The following NADSYN1 variants were observed in gnomAD, a reference collection of about 807,000 sequenced individuals.
NADSYN1 encodes the protein NAD synthetase 1, also known as glutamine-dependent NAD(+) synthetase.
Under a neutral mutation model 99.3 loss-of-function variants are expected in NADSYN1, and 80 were observed. The observed-to-expected ratio is 0.81, with a 90% CI of 0.67 to 0.97. The LOEUF is 0.97. Among genes scored for constraint, NADSYN1 ranks in the 50% least tolerant of loss-of-function variants. The pLI, the probability that NADSYN1 is intolerant of heterozygous loss-of-function variation, is 0.00. For synonymous variants in NADSYN1, 385 were observed against 372.1 expected, an observed-to-expected ratio of 1.03 and a Z score of -0.40; for missense variants, 859 against 948.5, an observed-to-expected ratio of 0.91 and a Z score of 1.24.
At position 71,473,319 on chromosome 11, in the gene NADSYN1, C is replaced by T; in HGVS notation, c.501C>T (p.Asp167=). Residue 167 remains aspartate, a synonymous_variant, in exon 7 of 21, where the codon GAC becomes GAT. Coordinates refer to ENST00000319023, the MANE Select transcript of NADSYN1 (RefSeq NM_018161.5). ...PFGDAVLVTW[D]TCIGSEICEE... Reference sequence around the variant, plus strand: ...GAGATGCGGTGCTGGTGACATGGGACACCTGCATTGGAAGTGAGATCTGTG... The same window carrying T: ...GAGATGCGGTGCTGGTGACATGGGATACCTGCATTGGAAGTGAGATCTGTG... The T allele has an allele frequency of 1.9e-6, 3 of 1,614,232 alleles. No individual in the cohort carries two copies. The highest frequency in any genetic ancestry group is 2.5e-6 in the Non-Finnish European group (3 of 1,180,040).
intron 12 of NADSYN1, 123 bp downstream of exon 12, chr11:71,481,527 C>T: frequency 2.0e-6 from 2 of 979,224 alleles, no homozygotes; most frequent in Middle Eastern, 2.5e-4. Flanking sequence ...AGCATTTCAT[C>T]ACTCTGCCTC....
intron 5 of NADSYN1, among the ~76,000 whole-genome samples, chr11:71,471,152 C>T (rs560957483): frequency 2.0e-4 from 31 of 152,158 alleles, no homozygotes; most frequent in Non-Finnish European, 2.2e-4. Context: ...ATGAACGCCT[C>T]GGTGTCAGGT....
Position 71,498,528 on chromosome 11 carries a change from G to C in NADSYN1, c.2070G>C (p.Gln690His). 1 of 1,613,182 alleles carries C rather than the reference G, an allele frequency of 6.2e-7. No individual in the cohort carries two copies. The highest frequency in any genetic ancestry group is 8.5e-7 in the Non-Finnish European group (1 of 1,179,340). The change falls in exon 20 of 21, where the codon CAG (glutamine) becomes CAC (histidine). Residue 690 changes from glutamine (Q) to histidine (H), a missense_variant and splice_region_variant. Physicochemically the swap from Gln to His is conservative, Grantham distance 24. Coordinates refer to ENST00000319023, the MANE Select transcript of NADSYN1 (RefSeq NM_018161.5). Reference protein sequence around the residue: ...WPWQFRCIENQVLQLERAEPQ... With the variant: ...WPWQFRCIENHVLQLERAEPQ... Reference sequence around the variant, plus strand: ...GGCAGTTTCGGTGCATAGAAAATCAGGTAAATCCAGCAGAAATGTTTCTCT... The same window carrying C: ...GGCAGTTTCGGTGCATAGAAAATCACGTAAATCCAGCAGAAATGTTTCTCT...
At chr11:71,484,789 G>A (rs1949731442) in intron 15 of NADSYN1, 1 of 297,862 alleles carries the variant, frequency 3.4e-6, no homozygotes, top group Non-Finnish European at 6.5e-6. Context: ...GTGTGAGCCT[G>A]AGCGTGAGAG....
Position 71,498,459 on chromosome 11 carries a change from C to T in NADSYN1, c.2001C>T (p.Asn667=). The T allele has an allele frequency of 1.2e-6, 2 of 1,614,218 alleles. No homozygotes were observed. The change falls in exon 20 of 21, where the codon AAC becomes AAT. Residue 667 remains asparagine (N), a synonymous_variant. Coordinates refer to ENST00000319023, the MANE Select transcript of NADSYN1 (RefSeq NM_018161.5). ...YHAENYSPED[N]RFDLRPFLYN... ...CCGAGAACTACAGCCCTGAGGACAA[C>T]AGGTTTGATCTGCGACCATTTCTGT...
Position 71,473,328 on chromosome 11 carries a change from T to C in NADSYN1, c.510T>C (p.Ile170=), listed in dbSNP as rs775105969. 1.2e-5 allele frequency: 19 copies of C among 1,614,154 alleles called. No individual in the cohort carries two copies. The South Asian group carries it at 1.9e-4, about 16-fold the overall frequency. Residue 170 remains isoleucine, a synonymous_variant, in exon 7 of 21, where the codon ATT becomes ATC. Transcript: ENST00000319023. ...DAVLVTWDTC[I]GSEICEELWT... ...TGCTGGTGACATGGGACACCTGCAT[T>C]GGAAGTGAGATCTGTGAGGAGCTCT...
chr11:71,491,583 G>A (rs1201298345), intron 17 of NADSYN1, among the ~76,000 whole-genome samples: 1 of 152,134 alleles, frequency 6.6e-6, no homozygotes, highest in Non-Finnish European at 1.5e-5. Flanking sequence ...CAGTGGACTG[G>A]CCCTTCACTG....
intron 2 of NADSYN1, chr11:71,455,577 C>T: frequency 5.5e-6 from 1 of 181,752 alleles, no homozygotes. Context: ...GTGGAGCCTG[C>T]ATGAATGGGA....
Position 71,491,725 on chromosome 11 carries a change from G to C in NADSYN1, c.1695-109G>C, listed in dbSNP as rs570570548. The C allele has an allele frequency of 6.2e-6, 6 of 970,318 alleles. No individual in the cohort carries two copies. In the Admixed American group the frequency reaches 1.2e-4, roughly 19 times the overall value. The allele number at this position is 970,318 out of a possible 1,614,324, so 60.1% of individuals were successfully genotyped here. A position where few individuals can be genotyped will look rare whatever the true frequency, so the allele number is the denominator to read the frequency against. On this transcript the variant is annotated intron_variant, in intron 17 of 20. Transcript: ENST00000319023. ...TGGTGACGTCCTACCCACGGTGAAC[G>C]GAGTGGCCGGGACCAGCGTACTCGG...
chr11:71,486,972 A>G (rs191137057), intron 16 of NADSYN1, among the ~76,000 whole-genome samples: 1 of 151,196 alleles, frequency 6.6e-6, no homozygotes, highest in Non-Finnish European at 1.5e-5. Flanking sequence ...CGCCTGGCTA[A>G]TTTTTTTGTA....
At chr11:71,464,551 A>C (rs1216471144) in intron 5 of NADSYN1, 1 of 156,208 alleles carries the variant, frequency 6.4e-6, no homozygotes, top group African/African-American at 2.4e-5. Flanking sequence ...GTAGTTACAA[A>C]GTTATTTACT....
intron 2 of NADSYN1, among the ~76,000 whole-genome samples, chr11:71,457,476 A>T (rs1016086397): frequency 2.6e-5 from 4 of 152,250 alleles, no homozygotes; most frequent in African/African-American, 9.6e-5. Context: ...ATATTTTATT[A>T]TGGGAACCCC....
intron 5 of NADSYN1, among the ~76,000 whole-genome samples, chr11:71,465,401 T>C (rs942715664): frequency 6.6e-6 from 1 of 152,234 alleles, no homozygotes; most frequent in Non-Finnish European, 1.5e-5. Context: ...GATTTGATGC[T>C]GCTGATTAAA....
chr11:71,465,201 G>A lies in NADSYN1; in HGVS notation c.407+1059G>A, dbSNP rs192971215. Among the ~76,000 whole-genome samples, 36 of 152,226 alleles carry A rather than the reference G, an allele frequency of 2.4e-4. 1 individual carries two copies. Among genetic ancestry groups the A allele is most frequent in the Admixed American group, 2.1e-3 (32 of 15,290 alleles). ...TACATTGGGGATGAGGTAGAACTGCGGGGGCCACTGCGGAAGGAGGTCATT... is the reference window on the plus strand; with the variant it reads ...TACATTGGGGATGAGGTAGAACTGCAGGGGCCACTGCGGAAGGAGGTCATT... On this transcript the variant is annotated intron_variant, in intron 5 of 20. Transcript: ENST00000319023.
chr11:71,487,580 C>T (rs1949750393), intron 16 of NADSYN1, among the ~76,000 whole-genome samples: 1 of 152,004 alleles, frequency 6.6e-6, no homozygotes, highest in Non-Finnish European at 1.5e-5. Context: ...GTCTGTAATC[C>T]CAGCACTTTG....
At chr11:71,453,687 G>A (rs991954011) in intron 1 of NADSYN1, among the ~76,000 whole-genome samples, 3 of 152,228 alleles carry the variant, frequency 2.0e-5, no homozygotes, top group African/African-American at 7.2e-5. Flanking sequence ...CCGTGGTTGG[G>A]ACTGAGCTGC....
intron 14 of NADSYN1, among the ~76,000 whole-genome samples, chr11:71,483,485 T>TC (rs1949722315): frequency 6.6e-6 from 1 of 152,018 alleles, no homozygotes; most frequent in Non-Finnish European, 1.5e-5. Flanking sequence ...TCCTTTCTCT[T>TC]CCCCTGCCCT....
At chr11:71,465,784 A>AT (rs1185689077) in intron 5 of NADSYN1, among the ~76,000 whole-genome samples, 1 of 152,100 alleles carries the variant, frequency 6.6e-6, no homozygotes, top group Non-Finnish European at 1.5e-5. Flanking sequence ...TAAGTGGTTA[A>AT]TTTTTTATAT....
At chr11:71,484,173 G>T in intron 14 of NADSYN1, 139 bp from the exon 15 acceptor site, 1 of 1,297,506 alleles carries the variant, frequency 7.7e-7, no homozygotes, top group Non-Finnish European at 1.1e-6. Context: ...CAGCACTGTG[G>T]ATTGCTAAAC....
Sources: allele counts gnomAD v4.1 joint callset (sites outside exome capture counted in the v4.1 genomes callset), GRCh38; gene constraint gnomAD v4.1.1; transcripts MANE v1.5; gene names NCBI Gene and HGNC (gene_info 2026-07-23, HGNC 2026-07-21).